Variants in ARPP21 observed in about 807,000 individuals in gnomAD.
ARPP21 encodes the protein cAMP regulated phosphoprotein 21.
In ARPP21, 69 loss-of-function variants were observed where a neutral mutation model predicts 113.2. That is an observed-to-expected ratio of 0.61 (90% CI 0.50 to 0.74). The LOEUF (loss-of-function observed/expected upper bound fraction) is 0.74, where lower values mean the gene tolerates loss of function less well. ARPP21 is among the 30% of genes least tolerant of loss of function. The pLI is 0.00. For missense variants in ARPP21, 1,070 were observed against 1,037.4 expected (o/e 1.03, Z -0.43); for synonymous variants, 368 against 375.5 (o/e 0.98, Z 0.23).
chr3:35,695,782 A>G (rs954526289), intron 9 of ARPP21, among the ~76,000 whole-genome samples: 4 of 151,496 alleles, frequency 2.6e-5, no homozygotes, highest in Admixed American at 2.6e-4. Context: ...TTTTTTTAAC[A>G]TTTACTAAGA....
chr3:35,673,869 G>T (rs1022185029), intron 1 of ARPP21, among the ~76,000 whole-genome samples: 3 of 151,902 alleles, frequency 2.0e-5, no homozygotes, highest in African/African-American at 7.2e-5. Flanking sequence ...GTTCATGTCA[G>T]ATATAATGAT....
intron 20 of ARPP21, among the ~76,000 whole-genome samples, chr3:35,792,973 G>A (rs2096776190): frequency 6.6e-6 from 1 of 152,164 alleles, no homozygotes; most frequent in Non-Finnish European, 1.5e-5. Context: ...CATTTCTGGA[G>A]CCTAGCAACT....
chr3:35,704,198 A>G (rs1043819572), intron 9 of ARPP21, among the ~76,000 whole-genome samples: 3 of 151,854 alleles, frequency 2.0e-5, no homozygotes, highest in Non-Finnish European at 2.9e-5. Flanking sequence ...AGAAAAACCT[A>G]AGGTGTTTGA....
chr3:35,694,768 A>T (rs1284902461), intron 9 of ARPP21, among the ~76,000 whole-genome samples: 2 of 151,180 alleles, frequency 1.3e-5, no homozygotes, highest in South Asian at 2.1e-4. Context: ...GATGGACAAG[A>T]TATTTTTGAA....
At chr3:35,660,787 A>G (rs958208018) in intron 1 of ARPP21, among the ~76,000 whole-genome samples, 5 of 152,068 alleles carry the variant, frequency 3.3e-5, no homozygotes, top group Admixed American at 2.6e-4. Context: ...TACTCTCTTT[A>G]TCTTACTGGA....
intron 18 of ARPP21, among the ~76,000 whole-genome samples, chr3:35,740,863 T>G (rs2094612528): frequency 6.6e-6 from 1 of 152,034 alleles, no homozygotes; most frequent in Non-Finnish European, 1.5e-5. Flanking sequence ...TTTGGGGGGC[T>G]GAGGCAAAAG....
chr3:35,655,674 A>G lies in ARPP21; in HGVS notation c.-213+15276A>G, dbSNP rs1433431950. ...TATTTTAACACAAATGAGCCATCCT[A>G]TTCCTTAAGTGAATACCATTACAGA... On this transcript the variant is annotated intron_variant, in intron 1 of 20. Transcript: ENST00000684406. Among the ~76,000 whole-genome samples, 4 of 152,008 alleles carry G rather than the reference A, an allele frequency of 2.6e-5. 1 individual carries two copies. The highest frequency in any genetic ancestry group is 4.1e-4 in the South Asian group (2 of 4,824).
chr3:35,734,828 G>A (rs1028315394), intron 15 of ARPP21, among the ~76,000 whole-genome samples: 1 of 152,160 alleles, frequency 6.6e-6, no homozygotes, highest in Non-Finnish European at 1.5e-5. Flanking sequence ...TATAGGCGAA[G>A]TGCATGACCT....
intron 4 of ARPP21, 150 bp from the exon 5 acceptor site, chr3:35,683,576 A>G: frequency 1.6e-6 from 1 of 636,430 alleles, no homozygotes; most frequent in South Asian, 1.8e-5. Context: ...GAGCCAATGT[A>G]GACAGTACTG....
intron 2 of ARPP21, 156 bp from the exon 3 acceptor site, chr3:35,681,558 C>T (rs1468518348): frequency 2.2e-5 from 12 of 543,396 alleles, no homozygotes; most frequent in South Asian, 2.0e-4. Context: ...TTGTGCATGC[C>T]TTGGGTACTT....
intron 19 of ARPP21, among the ~76,000 whole-genome samples, chr3:35,788,514 G>A (rs184754439): frequency 4.6e-5 from 7 of 152,242 alleles, no homozygotes; most frequent in African/African-American, 1.4e-4. Flanking sequence ...CTGAAGAAAT[G>A]TGCTTGGTAT....
intron 19 of ARPP21, among the ~76,000 whole-genome samples, chr3:35,765,207 G>A (rs1161518228): frequency 6.6e-6 from 1 of 151,944 alleles, no homozygotes; most frequent in East Asian, 1.9e-4. Flanking sequence ...TAAATATCCT[G>A]AGCTTACCCT....
intron 1 of ARPP21, among the ~76,000 whole-genome samples, chr3:35,660,669 C>T (rs144142014): frequency 1.9e-3 from 285 of 152,236 alleles, no homozygotes; most frequent in Non-Finnish European, 2.7e-3. Flanking sequence ...AAGTTCACTT[C>T]TTGGGGGATA....
chr3:35,709,758 A>G (rs2090446477), intron 11 of ARPP21, among the ~76,000 whole-genome samples: 1 of 152,232 alleles, frequency 6.6e-6, no homozygotes, highest in African/African-American at 2.4e-5. Flanking sequence ...AGCAACTGCC[A>G]TAGCGTTTTC....
intron 15 of ARPP21, among the ~76,000 whole-genome samples, chr3:35,736,601 T>G (rs1027362155): frequency 6.6e-6 from 1 of 152,214 alleles, no homozygotes; most frequent in Non-Finnish European, 1.5e-5. Context: ...ACTTTTAAAA[T>G]CTAAAACCCC....
intron 1 of ARPP21, among the ~76,000 whole-genome samples, chr3:35,663,838 T>C (rs1037321063): frequency 1.3e-5 from 2 of 152,194 alleles, no homozygotes; most frequent in African/African-American, 4.8e-5. Flanking sequence ...TGTGTGCTGA[T>C]GCCTGAGGCT....
chr3:35,757,199 C>A (rs1215244148), intron 19 of ARPP21, among the ~76,000 whole-genome samples: 2 of 149,404 alleles, frequency 1.3e-5, no homozygotes, highest in South Asian at 4.2e-4. Context: ...GCTGGGATTA[C>A]AAGCACCCGC....
intron 19 of ARPP21, among the ~76,000 whole-genome samples, chr3:35,783,008 G>A (rs1298768843): frequency 6.6e-6 from 1 of 151,860 alleles, no homozygotes; most frequent in Non-Finnish European, 1.5e-5. Context: ...TTTCTTCCTT[G>A]GCAGTTCTGC....
At chr3:35,670,560 C>T (rs2149314148) in intron 1 of ARPP21, among the ~76,000 whole-genome samples, 1 of 152,000 alleles carries the variant, frequency 6.6e-6, no homozygotes, top group South Asian at 2.1e-4. Flanking sequence ...TACAGATGAC[C>T]AACCACATGA....
Sources: allele counts gnomAD v4.1 joint callset (sites outside exome capture counted in the v4.1 genomes callset), GRCh38; gene constraint gnomAD v4.1.1; transcripts MANE v1.5; gene names NCBI Gene and HGNC (gene_info 2026-07-23, HGNC 2026-07-21).